The following TIA1 variants were observed in gnomAD, a reference collection of about 807,000 sequenced individuals.
The protein encoded by TIA1 is TIA1 cytotoxic granule associated RNA binding protein, also known as cytotoxic granule associated RNA binding protein TIA1.
A neutral mutation model predicts 65.9 loss-of-function variants in TIA1; 23 were observed. The ratio of observed to expected loss-of-function variants is 0.35; its 90% CI spans 0.25 to 0.49. The LOEUF (loss-of-function observed/expected upper bound fraction) is 0.49, where lower values mean the gene tolerates loss of function less well. Ranked by LOEUF, TIA1 falls within the 20% of genes least tolerant of loss-of-function variation. The pLI is 0.98. For synonymous variants in TIA1, 147 were observed against 149.4 expected (o/e 0.98, Z 0.12); for missense variants, 371 against 477.9 (o/e 0.78, Z 2.09).
chr2:70,244,834 C>CAAAAAAA (rs70956958), intron 1 of TIA1, among the ~76,000 whole-genome samples: 3 of 53,474 alleles, frequency 5.6e-5, no homozygotes, highest in East Asian at 5.2e-4. Context: ...GACTCTGTCT[C>CAAAAAAA]AAAAAAAAAA....
Position 70,248,549 on chromosome 2 carries a change from T to A in TIA1, c.-119A>T. 5.5e-6 allele frequency: 8 copies of A among 1,461,656 alleles called. No homozygotes were observed. Among genetic ancestry groups the A allele is most frequent in the Non-Finnish European group, 7.5e-6 (8 of 1,066,762 alleles). 90.5% of individuals were successfully genotyped at this position (1,461,656 alleles called of 1,614,324 possible). The stretch of plus-strand genomic sequence containing the variant: ...GGTTTCTCGGCTGACCAGAGGTTAC[T>A]CCGCCTCCTCCTCCGGCGGCAATTA... On this transcript the variant is annotated 5_prime_UTR_variant, in exon 1 of 13. Transcript: ENST00000433529.
intron 2 of TIA1, among the ~76,000 whole-genome samples, chr2:70,235,844 C>T (rs1004501430): frequency 3.3e-5 from 5 of 152,124 alleles, no homozygotes; most frequent in Non-Finnish European, 7.4e-5. Flanking sequence ...CTATTGTCAT[C>T]TTCCATCATG....
intron 2 of TIA1, 64 bp from the exon 3 acceptor site, chr2:70,230,918 T>A: frequency 2.6e-6 from 3 of 1,143,538 alleles, no homozygotes; most frequent in African/African-American, 1.6e-5. Flanking sequence ...TAAAATTATG[T>A]AAAAAAAAAA....
chr2:70,216,289 T>A lies in TIA1; in HGVS notation c.683A>T (p.Gln228Leu), dbSNP rs763253859. 39 of 1,589,762 alleles carry A rather than the reference T, an allele frequency of 2.5e-5. No individual in the cohort carries two copies. The highest frequency in any genetic ancestry group is 7.7e-5 in the Admixed American group (4 of 52,228). ...TGGTGAAAAAGTCTGACGCATTAGTTGTTCTGTTAGACAAAAAACCAAAAC... is the reference window on the plus strand; with the variant it reads ...TGGTGAAAAAGTCTGACGCATTAGTAGTTCTGTTAGACAAAAAACCAAAAC... ...CGGVTSGLTE[Q>L]LMRQTFSPFG... The change falls in exon 10 of 13, where the codon CAA becomes CTA. Residue 228 changes from glutamine (Q) to leucine (L), a missense_variant. Coordinates refer to ENST00000433529, the MANE Select transcript of TIA1 (RefSeq NM_022173.4).
In TIA1 at chr2:70,229,293, G is replaced by C; in HGVS notation, c.248C>G (p.Thr83Ser). Residue 83 changes from threonine to serine, a missense_variant, in exon 4 of 13, where the codon ACC becomes AGC. Physicochemically the swap from Thr to Ser is moderately conservative, Grantham distance 58. Coordinates refer to ENST00000433529, the MANE Select transcript of TIA1 (RefSeq NM_022173.4). ...GKEVKVNWATTPSSQKKDTSS... is the reference protein window; with the variant it reads ...GKEVKVNWATSPSSQKKDTSS... Reference sequence around the variant, plus strand: ...TGTATCTTTCTTTTGACTGCTAGGGGTTGTTGCCCAATTCACTTTGACTTC... The same window carrying C: ...TGTATCTTTCTTTTGACTGCTAGGGCTTGTTGCCCAATTCACTTTGACTTC... 1 of 1,612,892 alleles carries C rather than the reference G, an allele frequency of 6.2e-7. No homozygotes were observed. The highest frequency in any genetic ancestry group is 8.5e-7 in the Non-Finnish European group (1 of 1,179,742).
At chr2:70,237,883 TG>T (rs966161932) in intron 1 of TIA1, among the ~76,000 whole-genome samples, 5 of 151,542 alleles carry the variant, frequency 3.3e-5, no homozygotes, top group South Asian at 2.1e-4. Context: ...AAAAAAAGGC[TG>T]GGTGCGGTGG....
In TIA1 at chr2:70,227,750, G is replaced by T; in HGVS notation, c.383C>A (p.Pro128Gln). 1 of 1,588,290 alleles carries T rather than the reference G, an allele frequency of 6.3e-7. No individual in the cohort carries two copies. The highest frequency in any genetic ancestry group is 8.6e-7 in the Non-Finnish European group (1 of 1,164,556). The change falls in exon 6 of 13, where the codon CCA becomes CAA. Residue 128 changes from proline to glutamine, a missense_variant. Coordinates refer to ENST00000433529, the MANE Select transcript of TIA1 (RefSeq NM_022173.4). ...TGTTACTTACGATATTCTTCCAAAT[G>T]GTGCAAAAGCAGCTTTTATATCTTC... ...TTEDIKAAFAPFGRISDARVV... is the reference protein window; with the variant it reads ...TTEDIKAAFAQFGRISDARVV...
chr2:70,209,520 C>A lies in TIA1; in HGVS notation c.*3199G>T, dbSNP rs946292320. The A allele has an allele frequency of 2.8e-5, 11 of 397,950 alleles. No homozygotes were observed. Among genetic ancestry groups the A allele is most frequent in the Non-Finnish European group, 3.5e-5 (8 of 225,900 alleles). The allele number at this position is 397,950 out of a possible 1,614,324, so 24.7% of individuals were successfully genotyped here. A position where few individuals can be genotyped will look rare whatever the true frequency, so the allele number is the denominator to read the frequency against. On this transcript the variant is annotated 3_prime_UTR_variant, in exon 13 of 13. Transcript: ENST00000433529. ...ATCATTTTGGATGTACATTCAAATT[C>A]TAAACACAACAGTCAAAATGCAGTG...
At chr2:70,217,554 C>T (rs531746645) in intron 7 of TIA1, among the ~76,000 whole-genome samples, 4 of 152,160 alleles carry the variant, frequency 2.6e-5, no homozygotes, top group South Asian at 2.1e-4. Flanking sequence ...CCTGCCACCA[C>T]GCCTGGCTCA....
intron 1 of TIA1, among the ~76,000 whole-genome samples, chr2:70,238,574 A>C (rs115310985): frequency 0.011 from 1,690 of 152,158 alleles, 19 homozygotes; most frequent in African/African-American, 0.038. Context: ...ATTTTTGAAA[A>C]GTTATAGGTA....
chr2:70,223,224 G>A (rs527868532), intron 7 of TIA1, among the ~76,000 whole-genome samples: 17 of 152,008 alleles, frequency 1.1e-4, no homozygotes, highest in Admixed American at 8.5e-4. Context: ...AATTAATCAC[G>A]GCTATCAATC....
intron 9 of TIA1, 24 bp downstream of exon 9, chr2:70,216,380 G>A: frequency 6.3e-7 from 1 of 1,593,746 alleles, no homozygotes; most frequent in African/African-American, 1.4e-5. Flanking sequence ...AAAAATTAAT[G>A]CCACACAGGG....
chr2:70,231,966 G>A (rs1433244386), intron 2 of TIA1, among the ~76,000 whole-genome samples: 3 of 152,014 alleles, frequency 2.0e-5, no homozygotes, highest in Non-Finnish European at 4.4e-5. Context: ...ACTTCGAGAG[G>A]CCGAGGCAGG....
At chr2:70,240,998 G>A (rs1691428886) in intron 1 of TIA1, among the ~76,000 whole-genome samples, 1 of 152,114 alleles carries the variant, frequency 6.6e-6, no homozygotes, top group African/African-American at 2.4e-5. Flanking sequence ...AATGTAGAAA[G>A]AATGAGAGAA....
chr2:70,221,536 C>G (rs1263030179), intron 7 of TIA1, among the ~76,000 whole-genome samples: 1 of 151,794 alleles, frequency 6.6e-6, no homozygotes, highest in Non-Finnish European at 1.5e-5. Context: ...AGTGATGACA[C>G]AGAATAGCAG....
At chr2:70,242,562 G>C (rs148561294) in intron 1 of TIA1, among the ~76,000 whole-genome samples, 2 of 136,028 alleles carry the variant, frequency 1.5e-5, no homozygotes, top group Non-Finnish European at 3.1e-5. Flanking sequence ...GAGTAAAAAC[G>C]ATGAATAGTT....
Position 70,224,649 on chromosome 2 carries a change from G to C in TIA1, c.399-20C>G. 1 of 1,612,284 alleles carries C rather than the reference G, an allele frequency of 6.2e-7. No homozygotes were observed. The highest frequency in any genetic ancestry group is 1.1e-5 in the South Asian group (1 of 90,922). On this transcript the variant is annotated intron_variant, in intron 6 of 12. Transcript: ENST00000433529. ...GCATCTCTGAAATCAGAAACAATCA[G>C]AAGTTTAGGTTTGCAAACTATCCTC...
chr2:70,214,695 T>G (rs1677858963), intron 11 of TIA1, among the ~76,000 whole-genome samples: 1 of 151,934 alleles, frequency 6.6e-6, no homozygotes, highest in Non-Finnish European at 1.5e-5. Context: ...GTTATACTGC[T>G]GTAACTCTAC....
chr2:70,234,614 T>G (rs1410204535), intron 2 of TIA1, among the ~76,000 whole-genome samples: 1 of 152,132 alleles, frequency 6.6e-6, no homozygotes, highest in Non-Finnish European at 1.5e-5. Context: ...CAGGCTGGAG[T>G]GCAATGGTGC....
Sources: allele counts gnomAD v4.1 joint callset (sites outside exome capture counted in the v4.1 genomes callset), GRCh38; gene constraint gnomAD v4.1.1; transcripts MANE v1.5; gene names NCBI Gene and HGNC (gene_info 2026-07-23, HGNC 2026-07-21).